TRPC6: variants seen among roughly 807,000 people sequenced by gnomAD.
TRPC6 encodes transient receptor potential cation channel subfamily C member 6.
A neutral mutation model predicts 90.7 loss-of-function variants in TRPC6; 55 were observed. The observed-to-expected ratio is 0.61, with a 90% CI of 0.49 to 0.76. The LOEUF (loss-of-function observed/expected upper bound fraction) is 0.76, where lower values mean the gene tolerates loss of function less well. Among genes scored for constraint, TRPC6 ranks in the 30% least tolerant of loss-of-function variants. The pLI is 0.00. For missense variants in TRPC6, 989 were observed against 1,122.7 expected (o/e 0.88, Z 1.70); for synonymous variants, 393 against 393.0 (o/e 1.00, Z 0.00).
intron 1 of TRPC6, among the ~76,000 whole-genome samples, chr11:101,524,440 G>A (rs4271352): frequency 0.21 from 31,769 of 151,976 alleles, 3,489 homozygotes; most frequent in Middle Eastern, 0.25. Flanking sequence ...TAGTAGAGAC[G>A]GGGTTTCACC....
intron 1 of TRPC6, among the ~76,000 whole-genome samples, chr11:101,574,059 C>A (rs10895145): frequency 0.36 from 53,762 of 150,018 alleles, 11,098 homozygotes; most frequent in Non-Finnish European, 0.45. Flanking sequence ...CAGTCTACCT[C>A]TATGTAATTG....
At chr11:101,562,732 G>A (rs1861743072) in intron 1 of TRPC6, among the ~76,000 whole-genome samples, 1 of 152,120 alleles carries the variant, frequency 6.6e-6, no homozygotes, top group South Asian at 2.1e-4. Context: ...AAAATACCTT[G>A]TCCAAGAGAG....
intron 1 of TRPC6, among the ~76,000 whole-genome samples, chr11:101,528,596 G>A (rs1473121467): frequency 6.6e-6 from 1 of 152,094 alleles, no homozygotes; most frequent in African/African-American, 2.4e-5. Flanking sequence ...TATTACTATT[G>A]TATTATTGCT....
intron 4 of TRPC6, among the ~76,000 whole-genome samples, chr11:101,484,914 C>T (rs1230471067): frequency 6.6e-6 from 1 of 151,946 alleles, no homozygotes; most frequent in African/African-American, 2.4e-5. Flanking sequence ...ATACGTATAA[C>T]ATATAGTGAT....
chr11:101,544,878 T>TAAAA (rs145301424), intron 1 of TRPC6, among the ~76,000 whole-genome samples: 36,616 of 151,090 alleles, frequency 0.24, 4,672 homozygotes, highest in East Asian at 0.39. Context: ...TAAAGTATAA[T>TAAAA]TAAAAAAAAT....
At chr11:101,499,042 G>A (rs1361848121) in intron 2 of TRPC6, among the ~76,000 whole-genome samples, 3 of 152,044 alleles carry the variant, frequency 2.0e-5, no homozygotes, top group Admixed American at 6.6e-5. Flanking sequence ...CAGAAACAAG[G>A]GCCATTTTTT....
chr11:101,565,949 C>T (rs1007246039), intron 1 of TRPC6, among the ~76,000 whole-genome samples: 2 of 152,108 alleles, frequency 1.3e-5, no homozygotes, highest in African/African-American at 4.8e-5. Flanking sequence ...CATGTTTAGA[C>T]AAGGACTTAC....
intron 1 of TRPC6, among the ~76,000 whole-genome samples, chr11:101,557,405 A>T (rs1164771444): frequency 6.6e-6 from 1 of 152,130 alleles, no homozygotes; most frequent in Non-Finnish European, 1.5e-5. Context: ...CTAACATTAT[A>T]CTCAATGGTG....
rs147721759 is a variant in TRPC6 at position 101,583,149 on chromosome 11, C to G, written c.170+185G>C. 186 of 984,682 alleles carry G rather than the reference C, an allele frequency of 1.9e-4. 1 individual carries two copies. Among genetic ancestry groups the G allele is most frequent in the Middle Eastern group, 1.6e-3 (3 of 1,910 alleles). The allele number at this position is 984,682 out of a possible 1,614,324, so 61.0% of individuals were successfully genotyped here. ...CAAACCTAGACAACCCCGCCTCCCC[C>G]ACTCCCCGCGCGCCCCTCCACTCAC... On this transcript the variant is annotated intron_variant, in intron 1 of 12. Coordinates refer to ENST00000344327, the MANE Select transcript of TRPC6 (RefSeq NM_004621.6).
intron 1 of TRPC6, among the ~76,000 whole-genome samples, chr11:101,507,041 ACACACACACAGACC>A (rs1336037993): frequency 2.0e-4 from 30 of 150,288 alleles, no homozygotes; most frequent in African/African-American, 7.5e-4. Context: ...ACACACACAC[ACACACACACAGACC>A]CCCTTCATGG....
intron 11 of TRPC6, 143 bp from the exon 12 acceptor site, chr11:101,453,868 A>G (rs1858822513): frequency 3.8e-6 from 3 of 781,748 alleles, no homozygotes; most frequent in African/African-American, 1.7e-5. Context: ...TTCAGCCAGG[A>G]TGCAGGCGAT....
intron 1 of TRPC6, among the ~76,000 whole-genome samples, chr11:101,570,486 CAGT>C (rs1382261707): frequency 6.6e-6 from 1 of 152,134 alleles, no homozygotes; most frequent in African/African-American, 2.4e-5. Context: ...CTATTCCAAA[CAGT>C]AGAAAAAGAC....
chr11:101,461,580 GAAATAA>G (rs1859006235), intron 10 of TRPC6, among the ~76,000 whole-genome samples: 1 of 152,124 alleles, frequency 6.6e-6, no homozygotes, highest in Non-Finnish European at 1.5e-5. Flanking sequence ...AAACTAAAAT[GAAATAA>G]AAATAAAACG....
chr11:101,514,684 A>G lies in TRPC6; in HGVS notation c.171-9886T>C, dbSNP rs116140761. Among the ~76,000 whole-genome samples, 89 of 152,360 alleles carry G rather than the reference A, an allele frequency of 5.8e-4. 1 individual carries two copies. Among genetic ancestry groups the G allele is most frequent in the African/African-American group, 2.1e-3 (88 of 41,594 alleles). On this transcript the variant is annotated intron_variant, in intron 1 of 12. Coordinates refer to ENST00000344327, the MANE Select transcript of TRPC6 (RefSeq NM_004621.6). ...CACTTCTACTGTAGGGCAGAAAGGT[A>G]AACATTAAGGTAATTCCTTAACAAC...
At chr11:101,467,052 C>G (rs761818010) in intron 10 of TRPC6, among the ~76,000 whole-genome samples, 1 of 152,164 alleles carries the variant, frequency 6.6e-6, no homozygotes, top group Non-Finnish European at 1.5e-5. Flanking sequence ...TCCAGCCAGT[C>G]CCTATGAGAT....
intron 3 of TRPC6, among the ~76,000 whole-genome samples, chr11:101,489,748 A>G (rs1859761188): frequency 6.6e-6 from 1 of 151,990 alleles, no homozygotes. Context: ...AAAAATTGGT[A>G]AAGAATATTA....
At chr11:101,470,783 T>C (rs1233090963) in intron 9 of TRPC6, among the ~76,000 whole-genome samples, 3 of 147,490 alleles carry the variant, frequency 2.0e-5, no homozygotes, top group Non-Finnish European at 3.0e-5. Context: ...GTAGAAGCTA[T>C]CTAAGAGTTA....
Position 101,451,774 on chromosome 11 carries a change from C to A in TRPC6, c.*1181G>T, listed in dbSNP as rs1218543803. The A allele has an allele frequency of 6.6e-6, 1 of 152,198 alleles. No homozygotes were observed. The highest frequency in any genetic ancestry group is 2.4e-5 in the African/African-American group (1 of 41,452). The allele number at this position is 152,198 out of a possible 1,614,324, so 9.4% of individuals were successfully genotyped here. On this transcript the variant is annotated 3_prime_UTR_variant, in exon 13 of 13. Transcript: ENST00000344327. ...GAAGTTAAAGATTTGCATTTGAAAT[C>A]TCCCATTATTGAATTGGAAGTAGCA...
intron 1 of TRPC6, among the ~76,000 whole-genome samples, chr11:101,557,182 C>A (rs1215695689): frequency 6.6e-6 from 1 of 152,002 alleles, no homozygotes; most frequent in Non-Finnish European, 1.5e-5. Flanking sequence ...TGGTGAAACC[C>A]TGTCTCTACT....
Sources: allele counts gnomAD v4.1 joint callset (sites outside exome capture counted in the v4.1 genomes callset), GRCh38; gene constraint gnomAD v4.1.1; transcripts MANE v1.5; gene names NCBI Gene and HGNC (gene_info 2026-07-23, HGNC 2026-07-21).